The following RNF38 variants were observed in gnomAD, a reference collection of about 807,000 sequenced individuals.
The protein encoded by RNF38 is ring finger protein 38, also known as E3 ubiquitin-protein ligase RNF38.
In RNF38, 15 loss-of-function variants were observed where a neutral mutation model predicts 67.2. The observed-to-expected ratio is 0.22, with a 90% confidence interval of 0.15 to 0.34. The LOEUF is 0.34. RNF38 is among the 10% of genes least tolerant of loss of function. The pLI, the probability that RNF38 is intolerant of heterozygous loss-of-function variation, is 1.00. For synonymous variants in RNF38, 220 were observed against 218.8 expected, an observed-to-expected ratio of 1.01 and a Z score of -0.05; for missense variants, 524 against 639.9, an observed-to-expected ratio of 0.82 and a Z score of 1.95.
upstream of RNF38, chr9:36,400,626 TGCTCGCCCAGCCCGCGGCCA>T (rs1451354746): frequency 1.0e-6 from 1 of 985,608 alleles, no homozygotes; most frequent in Non-Finnish European, 1.2e-6. Context: ...CTATTGTGAC[TGCTCGCCCAGCCCGCGGCCA>T]GCTCGCCAGA....
intron 3 of RNF38, among the ~76,000 whole-genome samples, chr9:36,374,191 A>G (rs1370272783): frequency 6.6e-6 from 1 of 152,210 alleles, no homozygotes; most frequent in Non-Finnish European, 1.5e-5. Flanking sequence ...GGTAATGTAA[A>G]AGTCTTAATG....
intron 1 of RNF38, among the ~76,000 whole-genome samples, chr9:36,472,825 G>T (rs966336053): frequency 6.6e-6 from 1 of 152,148 alleles, no homozygotes; most frequent in African/African-American, 2.4e-5. Flanking sequence ...AGAATCCAGG[G>T]CTGGGTACGG....
chr9:36,360,984 GTAT>G (rs1009516638), intron 4 of RNF38, among the ~76,000 whole-genome samples: 4 of 151,814 alleles, frequency 2.6e-5, no homozygotes, highest in African/African-American at 7.3e-5. Flanking sequence ...GTTAATTTTT[GTAT>G]TATTATTTTT....
intron 4 of RNF38, among the ~76,000 whole-genome samples, chr9:36,362,664 C>G (rs1035915104): frequency 6.7e-6 from 1 of 149,178 alleles, no homozygotes; most frequent in African/African-American, 2.5e-5. Flanking sequence ...TTTTTTTTTT[C>G]TTTTGAGACA....
intron 2 of RNF38, among the ~76,000 whole-genome samples, chr9:36,413,659 T>C (rs1270314075): frequency 6.6e-6 from 1 of 151,778 alleles, no homozygotes; most frequent in East Asian, 1.9e-4. Context: ...GTAGTTTTCC[T>C]TGTAGAGGTC....
At chr9:36,441,461 G>A (rs564934412) in intron 1 of RNF38, among the ~76,000 whole-genome samples, 1 of 151,970 alleles carries the variant, frequency 6.6e-6, no homozygotes, top group East Asian at 1.9e-4. Context: ...TGAGGAGCTG[G>A]GATTACAGGC....
intron 1 of RNF38, among the ~76,000 whole-genome samples, chr9:36,430,310 G>A (rs758100998): frequency 2.6e-5 from 4 of 152,216 alleles, no homozygotes; most frequent in East Asian, 1.9e-4. Flanking sequence ...GGGTTCAAGC[G>A]ATTCTCCTGC....
At chr9:36,393,477 T>TTTTGTGTG (rs1554689572) in intron 1 of RNF38, among the ~76,000 whole-genome samples, 7 of 87,758 alleles carry the variant, frequency 8.0e-5, no homozygotes, top group African/African-American at 2.7e-4. Context: ...CACACACACA[T>TTTTGTGTG]TGTGTGTGTG....
chr9:36,352,657 G>A (rs765518434), intron 8 of RNF38, 85 bp downstream of exon 8: 108 of 1,020,068 alleles, frequency 1.1e-4, no homozygotes, highest in Non-Finnish European at 1.5e-4. Context: ...CACACCAAAA[G>A]CTATAGACAC....
intron 1 of RNF38, among the ~76,000 whole-genome samples, chr9:36,487,049 T>C (rs1206300747): frequency 6.6e-6 from 1 of 152,112 alleles, no homozygotes. Flanking sequence ...GGTTTCCTCC[T>C]CCGCCGAGCA....
intron 6 of RNF38, 65 bp from the exon 7 acceptor site, chr9:36,353,396 T>G (rs1404562249): frequency 2.6e-6 from 3 of 1,139,232 alleles, no homozygotes; most frequent in Non-Finnish European, 3.5e-6. Context: ...TTTAGATAGA[T>G]TATGCTTTAT....
chr9:36,417,423 T>C (rs1324604389), intron 2 of RNF38, among the ~76,000 whole-genome samples: 1 of 152,220 alleles, frequency 6.6e-6, no homozygotes, highest in Non-Finnish European at 1.5e-5. Context: ...CTTACTTGAA[T>C]TCTAACAGTA....
At chr9:36,484,316 G>C (rs566920006) in intron 1 of RNF38, among the ~76,000 whole-genome samples, 1 of 152,246 alleles carries the variant, frequency 6.6e-6, no homozygotes, top group South Asian at 2.1e-4. Context: ...TGCAAAACTA[G>C]GTTTAGCAGG....
intron 1 of RNF38, among the ~76,000 whole-genome samples, chr9:36,446,257 G>A (rs1044272257): frequency 6.6e-6 from 1 of 152,174 alleles, no homozygotes; most frequent in Non-Finnish European, 1.5e-5. Flanking sequence ...ATCACAAAAA[G>A]GGTTAGTTTC....
intron 1 of RNF38, among the ~76,000 whole-genome samples, chr9:36,429,014 A>G (rs1469393980): frequency 6.6e-6 from 1 of 152,226 alleles, no homozygotes; most frequent in African/African-American, 2.4e-5. Flanking sequence ...CTACATGTCA[A>G]GTCTACCCTA....
intron 1 of RNF38, 113 bp from the exon 2 acceptor site, chr9:36,390,729 A>C: frequency 9.2e-7 from 1 of 1,082,116 alleles, no homozygotes; most frequent in Non-Finnish European, 1.3e-6. Flanking sequence ...CTGCTAGCGA[A>C]GACAGGAAAG....
chr9:36,406,858 T>C (rs1838196562), intron 2 of RNF38, among the ~76,000 whole-genome samples: 1 of 152,158 alleles, frequency 6.6e-6, no homozygotes, highest in African/African-American at 2.4e-5. Flanking sequence ...CTAAAAGGAC[T>C]GAATAACATA....
In RNF38 at chr9:36,339,069, G is replaced by GGGAGGGAAGGGGAT. The variant is rs1832659017; in HGVS notation, c.*669_*682dup. The GGGAGGGAAGGGGAT allele has an allele frequency of 6.6e-6, 1 of 152,548 alleles. No homozygotes were observed. The highest frequency in any genetic ancestry group is 2.4e-5 in the African/African-American group (1 of 41,420). 9.4% of individuals were successfully genotyped at this position (152,548 alleles called of 1,614,324 possible). ...GAAGGCTTTTCTCATTCCATTCACT[G>GGGAGGGAAGGGGAT]GGAGGGAAGGGGATGGAGTATTCAA... On this transcript the variant is annotated 3_prime_UTR_variant, in exon 12 of 12. Transcript: ENST00000259605.
chr9:36,344,806 C>T, intron 10 of RNF38, 26 bp downstream of exon 10: 1 of 1,603,682 alleles, frequency 6.2e-7, no homozygotes, highest in Non-Finnish European at 8.5e-7. Flanking sequence ...GGAAATTTAG[C>T]AGTGATGTCA....
Sources: gnomAD v4.1 joint callset for allele counts (sites outside exome capture counted in the v4.1 genomes callset) on GRCh38, gnomAD v4.1.1 for gene constraint, MANE v1.5 for transcripts, NCBI Gene and HGNC (gene_info 2026-07-23, HGNC 2026-07-21) for gene names.